The following FHOD3 variants were observed in gnomAD, a reference collection of about 807,000 sequenced individuals.
The protein encoded by FHOD3 is formin homology 2 domain containing 3, also known as FH1/FH2 domain-containing protein 3.
A neutral mutation model predicts 173.0 loss-of-function variants in FHOD3; 90 were observed. The observed-to-expected ratio is 0.52, with a 90% CI of 0.44 to 0.62. The LOEUF is 0.62. FHOD3 is among the 20% of genes least tolerant of loss of function. The pLI is 0.00. For synonymous variants in FHOD3, 828 were observed against 823.0 expected (o/e 1.01, Z -0.10); for missense variants, 1,945 against 2,034.7 (o/e 0.96, Z 0.85).
At chr18:36,496,384 C>T (rs1696402658) in intron 3 of FHOD3, among the ~76,000 whole-genome samples, 1 of 152,214 alleles carries the variant, frequency 6.6e-6, no homozygotes, top group Non-Finnish European at 1.5e-5. Flanking sequence ...TGTAAAATGA[C>T]AAATTATATG....
intron 4 of FHOD3, among the ~76,000 whole-genome samples, chr18:36,505,628 T>A (rs2055263646): frequency 6.6e-6 from 1 of 152,202 alleles, no homozygotes; most frequent in Non-Finnish European, 1.5e-5. Flanking sequence ...GACACAACAT[T>A]AAATTTTTAA....
At chr18:36,587,704 T>C (rs1022362375) in intron 6 of FHOD3, among the ~76,000 whole-genome samples, 10 of 152,098 alleles carry the variant, frequency 6.6e-5, no homozygotes, top group African/African-American at 2.4e-4. Flanking sequence ...GGCAGGAGAA[T>C]TGCTTGAACC....
In FHOD3 at chr18:36,457,208, C is replaced by T. The variant is rs1026801527; in HGVS notation, c.338-44724C>T. ...GGATATTTTGCTGTGTGTTGGTGCC[C>T]ACTCAGAAGACTTCAATATGGATTT... is the stretch of plus-strand genomic sequence containing the variant. On this transcript the variant is annotated intron_variant, in intron 3 of 28. Coordinates refer to ENST00000590592, the MANE Select transcript of FHOD3 (RefSeq NM_001281740.3). Among the ~76,000 whole-genome samples the T allele has an allele frequency of 2.8e-4, 42 of 152,078 alleles. 1 individual carries two copies. Among genetic ancestry groups the T allele is most frequent in the African/African-American group, 9.0e-4 (37 of 41,328 alleles).
intron 19 of FHOD3, among the ~76,000 whole-genome samples, chr18:36,721,419 T>G (rs1021940495): frequency 6.6e-6 from 1 of 152,216 alleles, no homozygotes; most frequent in Non-Finnish European, 1.5e-5. Context: ...GGCAGGTAGA[T>G]GGCTTGAGCT....
chr18:36,613,457 A>T (rs2032899668), intron 9 of FHOD3, among the ~76,000 whole-genome samples: 1 of 152,202 alleles, frequency 6.6e-6, no homozygotes, highest in African/African-American at 2.4e-5. Flanking sequence ...GATCCTCATC[A>T]TCCCAGTGTC....
intron 3 of FHOD3, among the ~76,000 whole-genome samples, chr18:36,488,487 A>C (rs1275604228): frequency 6.6e-6 from 1 of 152,220 alleles, no homozygotes; most frequent in African/African-American, 2.4e-5. Flanking sequence ...GACCTGACAG[A>C]TGACAGGAGG....
At chr18:36,611,293 A>G (rs8096160) in intron 8 of FHOD3, among the ~76,000 whole-genome samples, 3,826 of 152,286 alleles carry the variant, frequency 0.025, 170 homozygotes, top group African/African-American at 0.088. Context: ...GCAGCTTCAG[A>G]CAACATCCAT....
At chr18:36,649,687 C>T (rs1210245128) in intron 11 of FHOD3, among the ~76,000 whole-genome samples, 1 of 152,168 alleles carries the variant, frequency 6.6e-6, no homozygotes, top group East Asian at 1.9e-4. Context: ...TCATTGAATG[C>T]TTTAGCTCAA....
At chr18:36,634,293 C>T (rs1599975919) in intron 10 of FHOD3, among the ~76,000 whole-genome samples, 1 of 152,118 alleles carries the variant, frequency 6.6e-6, no homozygotes, top group East Asian at 1.9e-4. Flanking sequence ...CCACAGGAAG[C>T]AGTGGGCAAA....
At chr18:36,755,090 T>G in intron 24 of FHOD3, 29 bp from the exon 25 acceptor site, 1 of 1,462,592 alleles carries the variant, frequency 6.8e-7, no homozygotes, top group Non-Finnish European at 9.1e-7. Context: ...AAAACGGAAG[T>G]CATTGCTATT....
intron 14 of FHOD3, among the ~76,000 whole-genome samples, chr18:36,672,788 G>A (rs758002018): frequency 2.0e-4 from 31 of 152,238 alleles, no homozygotes; most frequent in Middle Eastern, 3.4e-3. Flanking sequence ...AGAGTGACCC[G>A]CTGACTGTTG....
intron 19 of FHOD3, among the ~76,000 whole-genome samples, chr18:36,719,453 T>C (rs1044587779): frequency 6.6e-6 from 1 of 152,222 alleles, no homozygotes; most frequent in Non-Finnish European, 1.5e-5. Context: ...TCACAGATTT[T>C]ATATCTAATT....
chr18:36,687,249 G>C lies in FHOD3; in HGVS notation c.2021+71G>C. 25 of 1,123,922 alleles carry C rather than the reference G, an allele frequency of 2.2e-5. No homozygotes were observed. In the South Asian group the frequency reaches 3.4e-4, roughly 15 times the overall value. 69.6% of individuals were successfully genotyped at this position (1,123,922 alleles called of 1,614,324 possible). ...TTGCACTGTTAACCTAGCATGCAGA[G>C]AGACTGTCGATTAAAATATAACTGC... On this transcript the variant is annotated intron_variant, in intron 16 of 28. Coordinates refer to ENST00000590592, the MANE Select transcript of FHOD3 (RefSeq NM_001281740.3).
At chr18:36,454,185 T>G (rs16967875) in intron 3 of FHOD3, among the ~76,000 whole-genome samples, 22,801 of 151,716 alleles carry the variant, frequency 0.15, 3,899 homozygotes, top group African/African-American at 0.42. Context: ...ACCCTCACAT[T>G]GCTGGGAAGG....
chr18:36,394,844 C>T (rs374784069), intron 3 of FHOD3, among the ~76,000 whole-genome samples: 50 of 152,150 alleles, frequency 3.3e-4, no homozygotes, highest in African/African-American at 1.2e-3. Flanking sequence ...GTTTCTGAGC[C>T]TCCTCAATGG....
intron 6 of FHOD3, among the ~76,000 whole-genome samples, chr18:36,580,556 G>A (rs946823915): frequency 6.6e-6 from 1 of 152,216 alleles, no homozygotes; most frequent in Admixed American, 6.5e-5. Context: ...TGTTCTAGGC[G>A]AGTTGCTGAA....
intron 1 of FHOD3, among the ~76,000 whole-genome samples, chr18:36,330,262 T>C (rs140483023): frequency 6.6e-6 from 1 of 152,286 alleles, no homozygotes; most frequent in East Asian, 1.9e-4. Flanking sequence ...GTGAATAACA[T>C]GTAAGCTTCT....
At chr18:36,607,036 C>T (rs910414463) in intron 8 of FHOD3, among the ~76,000 whole-genome samples, 1 of 152,186 alleles carries the variant, frequency 6.6e-6, no homozygotes, top group African/African-American at 2.4e-5. Flanking sequence ...ATGCCTACAG[C>T]TTTCGCGGGC....
At chr18:36,546,413 G>T (rs1224098766) in intron 5 of FHOD3, among the ~76,000 whole-genome samples, 1 of 152,182 alleles carries the variant, frequency 6.6e-6, no homozygotes, top group Non-Finnish European at 1.5e-5. Context: ...CCACCTTAAA[G>T]TGACTTTATG....
Sources: allele counts gnomAD v4.1 joint callset (sites outside exome capture counted in the v4.1 genomes callset), GRCh38; gene constraint gnomAD v4.1.1; transcripts MANE v1.5; gene names NCBI Gene and HGNC (gene_info 2026-07-23, HGNC 2026-07-21).